SCAF11: variants seen among roughly 807,000 people sequenced by gnomAD.
SCAF11 encodes SR-related CTD associated factor 11, also known as protein SCAF11.
Under a neutral mutation model 140.5 loss-of-function variants are expected in SCAF11, and 47 were observed. That is an observed-to-expected ratio of 0.33 (90% CI 0.26 to 0.43). The LOEUF (loss-of-function observed/expected upper bound fraction) is 0.43. Among genes scored for constraint, SCAF11 ranks in the 20% least tolerant of loss-of-function variants. The pLI, the probability that SCAF11 is intolerant of heterozygous loss-of-function variation, is 1.00. For missense variants in SCAF11, 1,645 were observed against 1,705.1 expected, an observed-to-expected ratio of 0.96 and a Z score of 0.62; for synonymous variants, 557 against 579.4, an observed-to-expected ratio of 0.96 and a Z score of 0.55.
At position 45,928,696 on chromosome 12, in the gene SCAF11, A is replaced by AGACT. The variant is rs1228807911; in HGVS notation, c.1001_1004dup (p.Gln336ValfsTer13). ...AATTGTCTGATATTGGGGATCTCTG[A>AGACT]GACTGACTGGCTGTTTCAGCTCTTG... On this transcript the variant is annotated frameshift_variant, in exon 11 of 15. Coordinates refer to ENST00000369367, the MANE Select transcript of SCAF11 (RefSeq NM_004719.3). LOFTEE classifies it high-confidence loss of function. The AGACT allele has an allele frequency of 6.2e-7, 1 of 1,614,070 alleles. No homozygotes were observed. The highest frequency in any genetic ancestry group is 8.5e-7 in the Non-Finnish European group (1 of 1,179,998).
At chr12:45,976,694 T>A (rs1946243843) in intron 1 of SCAF11, among the ~76,000 whole-genome samples, 1 of 152,074 alleles carries the variant, frequency 6.6e-6, no homozygotes, top group Admixed American at 6.6e-5. Flanking sequence ...AACATATCCA[T>A]ATTTAAAATA....
In SCAF11 at chr12:45,926,273, G is replaced by A; in HGVS notation, c.3428C>T (p.Thr1143Ile). Residue 1143 changes from threonine to isoleucine, a missense_variant, in exon 11 of 15, where the codon ACA (threonine) becomes ATA (isoleucine). Transcript: ENST00000369367. ...FDTPADRSGW[T>I]SASSWAVRKT... ...TCTCACGGCCCAGCTGGATGCAGAT[G>A]TCCATCCAGATCTATCTGCTGGTGT... is the stretch of plus-strand genomic sequence containing the variant. 2.5e-6 allele frequency: 4 copies of A among 1,614,116 alleles called. No homozygotes were observed. Among genetic ancestry groups the A allele is most frequent in the South Asian group, 2.2e-5 (2 of 91,088 alleles).
intron 3 of SCAF11, among the ~76,000 whole-genome samples, chr12:45,959,627 ATCTGAT>A (rs1473515916): frequency 1.3e-5 from 2 of 152,210 alleles, no homozygotes; most frequent in African/African-American, 2.4e-5. Context: ...TGAATTTGAA[ATCTGAT>A]TCTATTTGTG....
At position 45,922,031 on chromosome 12, in the gene SCAF11, T is replaced by C. The variant is rs778695189; in HGVS notation, c.*17A>G. On this transcript the variant is annotated 3_prime_UTR_variant, in exon 15 of 15. Coordinates refer to ENST00000369367, the MANE Select transcript of SCAF11 (RefSeq NM_004719.3). Reference sequence around the variant, plus strand: ...TTTGCAGATATCCTGATAATGTCCTTGACAGCGTTCCCCATTTCAGCCTAT... The same window carrying C: ...TTTGCAGATATCCTGATAATGTCCTCGACAGCGTTCCCCATTTCAGCCTAT... 14 of 1,605,196 alleles carry C rather than the reference T, an allele frequency of 8.7e-6. No individual in the cohort carries two copies. The South Asian group carries it at 1.3e-4, about 15-fold the overall frequency.
intron 2 of SCAF11, among the ~76,000 whole-genome samples, chr12:45,963,419 A>AG (rs934042184): frequency 6.6e-6 from 1 of 152,108 alleles, no homozygotes; most frequent in African/African-American, 2.4e-5. Flanking sequence ...CCAGACAGCA[A>AG]GGGAAAAAAA....
intron 10 of SCAF11, 125 bp downstream of exon 10, chr12:45,931,381 C>T (rs923305977): frequency 1.7e-4 from 79 of 466,096 alleles, no homozygotes; most frequent in Non-Finnish European, 2.5e-4. Context: ...TATTTATAGA[C>T]GTATTTACAA....
chr12:45,957,470 C>T (rs1046008303), intron 3 of SCAF11, among the ~76,000 whole-genome samples: 1 of 152,114 alleles, frequency 6.6e-6, no homozygotes, highest in Non-Finnish European at 1.5e-5. Context: ...TGTTTGACTT[C>T]TTCAAGAACT....
At position 45,927,338 on chromosome 12, in the gene SCAF11, C is replaced by T. The variant is rs767181116; in HGVS notation, c.2363G>A (p.Arg788His). The change falls in exon 11 of 15, where the codon CGT (arginine) becomes CAT (histidine). Residue 788 changes from arginine to histidine, a missense_variant. This residue lies in a region of SCAF11 where 1,582 missense variants were observed against 1,609.2 expected (regional missense o/e 0.98). Coordinates refer to ENST00000369367, the MANE Select transcript of SCAF11 (RefSeq NM_004719.3). Reference protein sequence around the residue: ...KDTIDKTKKPRTRRSRFHSPS... With the variant: ...KDTIDKTKKPHTRRSRFHSPS... Reference sequence around the variant, plus strand: ...AGAATGAAATCTAGATCTTCGAGTACGAGGCTTTTTGGTTTTATCTATGGT... The same window carrying T: ...AGAATGAAATCTAGATCTTCGAGTATGAGGCTTTTTGGTTTTATCTATGGT... The T allele has an allele frequency of 6.2e-6, 10 of 1,613,030 alleles. No homozygotes were observed. Among genetic ancestry groups the T allele is most frequent in the East Asian group, 4.5e-5 (2 of 44,790 alleles).
chr12:45,926,027 G>C lies in SCAF11; in HGVS notation c.3559+115C>G, dbSNP rs1253657581. On this transcript the variant is annotated intron_variant, in intron 11 of 14. Transcript: ENST00000369367. ...GCTAAGTGACTTGTAAACAACTAAG[G>C]TTCAGCTTATTATAAAAACTACAAA... 2.0e-5 allele frequency: 22 copies of C among 1,101,276 alleles called. No individual in the cohort carries two copies. The South Asian group carries it at 3.8e-4, about 19-fold the overall frequency. The allele number at this position is 1,101,276 out of a possible 1,614,324, so 68.2% of individuals were successfully genotyped here. A position where few individuals can be genotyped will look rare whatever the true frequency, so the allele number is the denominator to read the frequency against.
At position 45,924,986 on chromosome 12, in the gene SCAF11, C is replaced by T. The variant is rs762316987; in HGVS notation, c.3648G>A (p.Gln1216=). The T allele has an allele frequency of 1.2e-6, 2 of 1,614,128 alleles. No homozygotes were observed. The highest frequency in any genetic ancestry group is 1.7e-6 in the Non-Finnish European group (2 of 1,180,020). The change falls in exon 12 of 15, where the codon CAG becomes CAA. Residue 1216 remains glutamine, a synonymous_variant. Transcript: ENST00000369367. ...GCTGGTGTTGTGCATTCATTTGTTG[C>T]TGCATTACATTCATTTGCGGTTGCA... The part of the protein sequence containing the change: ...NMMQPQMNVM[Q]QQMNAQHQPM...
In SCAF11 at chr12:45,920,733, C is replaced by T. The variant is rs914563257; in HGVS notation, c.*1315G>A. On this transcript the variant is annotated 3_prime_UTR_variant, in exon 15 of 15. Transcript: ENST00000369367. ...AATTTTGCAACATGGCTAATGGCTA[C>T]CACCTGGTCACCAAATTAACACTTC... is the stretch of plus-strand genomic sequence containing the variant. 2.0e-5 allele frequency: 3 copies of T among 152,576 alleles called. No homozygotes were observed. The highest frequency in any genetic ancestry group is 7.2e-5 in the African/African-American group (3 of 41,420). The allele number at this position is 152,576 out of a possible 1,614,324, so 9.5% of individuals were successfully genotyped here.
intron 12 of SCAF11, 60 bp from the exon 13 acceptor site, chr12:45,923,214 T>A (rs1437051765): frequency 1.4e-6 from 2 of 1,436,044 alleles, no homozygotes; most frequent in Non-Finnish European, 2.0e-6. Flanking sequence ...AGTCTTTTAG[T>A]GATGCATTAG....
chr12:45,931,377 T>C (rs1945041717), intron 10 of SCAF11, 129 bp downstream of exon 10: 1 of 461,860 alleles, frequency 2.2e-6, no homozygotes, highest in African/African-American at 2.0e-5. Flanking sequence ...CAAATATTTA[T>C]AGACGTATTT....
chr12:45,987,035 A>G (rs1946474181), intron 1 of SCAF11, among the ~76,000 whole-genome samples: 1 of 152,184 alleles, frequency 6.6e-6, no homozygotes, highest in Non-Finnish European at 1.5e-5. Flanking sequence ...TGATAGTTTC[A>G]AGGTCACATA....
intron 8 of SCAF11, 34 bp from the exon 9 acceptor site, chr12:45,933,266 T>C (rs1328251912): frequency 6.7e-7 from 1 of 1,489,134 alleles, no homozygotes; most frequent in Non-Finnish European, 9.3e-7. Context: ...CATCAGAATC[T>C]CACAATTTTA....
intron 4 of SCAF11, among the ~76,000 whole-genome samples, chr12:45,949,697 G>T (rs1467583470): frequency 6.6e-6 from 1 of 152,094 alleles, no homozygotes; most frequent in Non-Finnish European, 1.5e-5. Context: ...ATTAACAACT[G>T]GGGCTGGGGA....
intron 1 of SCAF11, among the ~76,000 whole-genome samples, chr12:45,978,012 T>G (rs1946271823): frequency 6.6e-6 from 1 of 152,194 alleles, no homozygotes; most frequent in South Asian, 2.1e-4. Context: ...CACTCTTATG[T>G]GACAGTCATC....
intron 6 of SCAF11, among the ~76,000 whole-genome samples, chr12:45,944,866 T>C (rs928551471): frequency 6.6e-6 from 1 of 152,212 alleles, no homozygotes; most frequent in Non-Finnish European, 1.5e-5. Flanking sequence ...AATTACTTTC[T>C]TGCTGTCACA....
intron 10 of SCAF11, chr12:45,931,251 T>C (rs1170615637): frequency 9.4e-6 from 2 of 213,562 alleles, no homozygotes; most frequent in Non-Finnish European, 1.9e-5. Context: ...TCCTTCTTTT[T>C]GTGGCAGAAT....
Sources: allele counts gnomAD v4.1 joint callset (sites outside exome capture counted in the v4.1 genomes callset), GRCh38; gene constraint gnomAD v4.1.1; regional missense constraint gnomAD v4.1.1; transcripts MANE v1.5; gene names NCBI Gene and HGNC (gene_info 2026-07-23, HGNC 2026-07-21).